EXPH5: variants seen among roughly 807,000 people sequenced by gnomAD.
The protein encoded by EXPH5 is exophilin-5.
In EXPH5, 42 loss-of-function variants were observed where a neutral mutation model predicts 41.1. That is an observed-to-expected ratio of 1.02 (90% CI 0.80 to 1.32). The LOEUF is 1.32. Among genes scored for constraint, EXPH5 ranks in the 40% most tolerant of loss-of-function variants. EXPH5 has a pLI of 0.00. For missense variants in EXPH5, 2,298 were observed against 2,314.5 expected (o/e 0.99, Z 0.15); for synonymous variants, 798 against 833.5 (o/e 0.96, Z 0.73).
chr11:108,538,956 CA>C, intron 3 of EXPH5, 67 bp downstream of exon 3: 1 of 1,341,520 alleles, frequency 7.5e-7, no homozygotes, highest in Non-Finnish European at 1.0e-6. Flanking sequence ...ATTTTGAACA[CA>C]AAACAGGCTG....
intron 4 of EXPH5, among the ~76,000 whole-genome samples, chr11:108,521,831 T>A (rs768649463): frequency 6.6e-6 from 1 of 152,204 alleles, no homozygotes; most frequent in Non-Finnish European, 1.5e-5. Context: ...TAATTCTCTC[T>A]CGACCATTTA....
chr11:108,540,569 A>G (rs2640789), intron 2 of EXPH5, among the ~76,000 whole-genome samples: 150,052 of 152,276 alleles, frequency 0.99, 73,968 homozygotes, highest in East Asian at 1. Flanking sequence ...ACTAATGTTA[A>G]TAACATGCAA....
intron 4 of EXPH5, among the ~76,000 whole-genome samples, chr11:108,521,005 C>T (rs923259315): frequency 1.3e-5 from 2 of 152,180 alleles, no homozygotes; most frequent in African/African-American, 4.8e-5. Context: ...TGTGCCAAAA[C>T]TCCATTTGCG....
Position 108,512,143 on chromosome 11 carries a change from C to CTT in EXPH5, c.3363_3364insAA (p.Ala1122LysfsTer23). Reference sequence around the variant, plus strand: ...GGCTCCCCTGAGGGACATGACATAGCCCTGTTGATGAGGAATGGAAGTGGT... The same window carrying CTT: ...GGCTCCCCTGAGGGACATGACATAGCTTCCTGTTGATGAGGAATGGAAGTGGT... On this transcript the variant is annotated frameshift_variant, in exon 6 of 6. Transcript: ENST00000265843. LOFTEE classifies it low-confidence loss of function (END_TRUNC). The CTT allele has an allele frequency of 1.2e-6, 2 of 1,613,356 alleles. No homozygotes were observed. The highest frequency in any genetic ancestry group is 1.7e-6 in the Non-Finnish European group (2 of 1,179,818).
At chr11:108,516,495 C>G (rs903281846) in intron 5 of EXPH5, among the ~76,000 whole-genome samples, 4 of 151,928 alleles carry the variant, frequency 2.6e-5, no homozygotes, top group African/African-American at 9.7e-5. Flanking sequence ...AAGACCCACT[C>G]TATAATAGAT....
chr11:108,556,511 C>A (rs1415984787), intron 1 of EXPH5, among the ~76,000 whole-genome samples: 2 of 152,126 alleles, frequency 1.3e-5, no homozygotes, highest in Non-Finnish European at 2.9e-5. Flanking sequence ...CTTGCTCTGT[C>A]ACCTAGACTG....
chr11:108,572,330 C>G (rs541809639), intron 1 of EXPH5, among the ~76,000 whole-genome samples: 1 of 152,168 alleles, frequency 6.6e-6, no homozygotes, highest in African/African-American at 2.4e-5. Flanking sequence ...GTACTCCACA[C>G]GTTTACTCAC....
At chr11:108,514,907 G>A (rs757063774) in intron 5 of EXPH5, 32 bp from the exon 6 acceptor site, 5 of 1,356,752 alleles carry the variant, frequency 3.7e-6, no homozygotes, top group Non-Finnish European at 4.8e-6. Flanking sequence ...ACCTTTTTCT[G>A]TATGTTTTTA....
At chr11:108,519,653 C>A (rs2093751279) in intron 4 of EXPH5, among the ~76,000 whole-genome samples, 1 of 151,666 alleles carries the variant, frequency 6.6e-6, no homozygotes, top group South Asian at 2.1e-4. Flanking sequence ...GAGGCTGGGC[C>A]AGGAGAATAG....
rs537658233 is a variant in EXPH5 at position 108,593,491 on chromosome 11, C to T, written c.46G>A (p.Glu16Lys). The stretch of plus-strand genomic sequence containing the variant: ...ACCTGAAGGATCTTCCTGGCCTCTT[C>T]GTCATTTAAGAAACTGAAATCAAAC... Reference protein sequence around the residue: ...PAFDFSFLNDEEARKILQVLE... With the variant: ...PAFDFSFLNDKEARKILQVLE... The change falls in exon 1 of 6, where the codon GAA becomes AAA. Residue 16 changes from glutamate (E) to lysine (K), a missense_variant. Physicochemically the swap from Glu to Lys is moderately conservative, Grantham distance 56. Coordinates refer to ENST00000265843, the MANE Select transcript of EXPH5 (RefSeq NM_015065.3). 10 of 1,614,194 alleles carry T rather than the reference C, an allele frequency of 6.2e-6. No homozygotes were observed. In the East Asian group the frequency reaches 2.0e-4, roughly 32 times the overall value.
intron 1 of EXPH5, among the ~76,000 whole-genome samples, chr11:108,559,164 G>A (rs574257213): frequency 1.3e-5 from 2 of 152,134 alleles, no homozygotes; most frequent in Non-Finnish European, 2.9e-5. Context: ...TCACTGGATT[G>A]TCAGCTCCCC....
chr11:108,542,068 T>TG (rs1159982136), intron 1 of EXPH5, among the ~76,000 whole-genome samples: 1 of 152,020 alleles, frequency 6.6e-6, no homozygotes, highest in East Asian at 1.9e-4. Flanking sequence ...TTAGTAGAGA[T>TG]GGGGTTTCAC....
At chr11:108,560,728 T>C (rs1307072530) in intron 1 of EXPH5, among the ~76,000 whole-genome samples, 2 of 152,180 alleles carry the variant, frequency 1.3e-5, no homozygotes, top group African/African-American at 4.8e-5. Flanking sequence ...AATCTGTACT[T>C]GGGGGTAAAA....
chr11:108,552,164 G>GGC (rs60727763), intron 1 of EXPH5: 86,957 of 151,470 alleles, frequency 0.57, 28,357 homozygotes, highest in East Asian at 0.79. Flanking sequence ...AGTGAAGGAA[G>GGC]AGAAAGCCCT....
Position 108,520,169 on chromosome 11 carries a change from C to T in EXPH5, c.493-1796G>A, listed in dbSNP as rs146735158. 4.4e-3 allele frequency among the ~76,000 whole-genome samples: 666 copies of T among 152,172 alleles called. 2 individuals carry two copies. Among genetic ancestry groups the T allele is most frequent in the Non-Finnish European group, 7.2e-3 (493 of 68,002 alleles). On this transcript the variant is annotated intron_variant, in intron 4 of 5. Transcript: ENST00000265843. ...CAGTCAGATCAGCCCTGGGATTAGG[C>T]GTTAGATTCTCACAGGATTGCGAAC...
the EXPH5 span, among the ~76,000 whole-genome samples, chr11:108,600,070 C>T: frequency 6.6e-6 from 1 of 152,162 alleles, no homozygotes; most frequent in African/African-American, 2.4e-5. Flanking sequence ...CGGCCCTTTC[C>T]TATGCTTTCC....
chr11:108,553,676 C>G (rs2093978218), intron 1 of EXPH5, among the ~76,000 whole-genome samples: 1 of 152,168 alleles, frequency 6.6e-6, no homozygotes, highest in South Asian at 2.1e-4. Flanking sequence ...TCCCCAGGGC[C>G]TAGCATAGTC....
At chr11:108,550,737 C>T (rs1055643729) in intron 1 of EXPH5, among the ~76,000 whole-genome samples, 3 of 151,996 alleles carry the variant, frequency 2.0e-5, no homozygotes, top group Non-Finnish European at 4.4e-5. Context: ...CAAGATTATG[C>T]CACTGCACTC....
the EXPH5 span, among the ~76,000 whole-genome samples, chr11:108,605,442 G>T: frequency 3.9e-5 from 6 of 152,272 alleles, no homozygotes; most frequent in East Asian, 9.6e-4. Flanking sequence ...TGTCCCTTGG[G>T]GTCATTTGCC....
Sources: gnomAD v4.1 joint callset for allele counts (sites outside exome capture counted in the v4.1 genomes callset) on GRCh38, gnomAD v4.1.1 for gene constraint, MANE v1.5 for transcripts, NCBI Gene and HGNC (gene_info 2026-07-23, HGNC 2026-07-21) for gene names.